FBLN5: variants seen among roughly 807,000 people sequenced by gnomAD.
The protein encoded by FBLN5 is fibulin-5.
In FBLN5, 24 loss-of-function variants were observed where a neutral mutation model predicts 61.6. The ratio of observed to expected loss-of-function variants is 0.39; its 90% CI spans 0.28 to 0.55. The LOEUF is 0.55. Among genes scored for constraint, FBLN5 ranks in the 20% least tolerant of loss-of-function variants. The probability of loss-of-function intolerance (pLI) is 0.65; values close to 1 mark genes in which losing one functional copy is unlikely to be tolerated. For synonymous variants in FBLN5, 213 were observed against 219.8 expected, an observed-to-expected ratio of 0.97 and a Z score of 0.27; for missense variants, 470 against 594.1, an observed-to-expected ratio of 0.79 and a Z score of 2.17.
intron 8 of FBLN5, among the ~76,000 whole-genome samples, chr14:91,881,890 A>T (rs1889493525): frequency 6.6e-6 from 1 of 152,116 alleles, no homozygotes; most frequent in African/African-American, 2.4e-5. Flanking sequence ...ATTAAAGAAA[A>T]CATAGTAGTA....
intron 5 of FBLN5, among the ~76,000 whole-genome samples, chr14:91,891,784 C>T (rs1006511625): frequency 2.0e-5 from 3 of 152,146 alleles, no homozygotes; most frequent in African/African-American, 7.2e-5. Flanking sequence ...ATAGAGGCTC[C>T]ACTGCCCAGG....
intron 4 of FBLN5, among the ~76,000 whole-genome samples, chr14:91,902,025 G>A (rs1313202494): frequency 6.6e-6 from 1 of 152,154 alleles, no homozygotes; most frequent in African/African-American, 2.4e-5. Context: ...GCAACTAATG[G>A]AGATCACATT....
rs192440936 is a variant in FBLN5 at position 91,901,005 on chromosome 14, C to A, written c.380-5933G>T. On this transcript the variant is annotated intron_variant, in intron 4 of 10. Transcript: ENST00000342058. ...TCCCCCTTGAGCCCCAGGCATATGGCGGGAGATCTGGACAAGAGGTAAGGA... is the reference window on the plus strand; with the variant it reads ...TCCCCCTTGAGCCCCAGGCATATGGAGGGAGATCTGGACAAGAGGTAAGGA... Among the ~76,000 whole-genome samples, 3 of 152,272 alleles carry A rather than the reference C, an allele frequency of 2.0e-5. No individual in the cohort carries two copies. In the East Asian group the frequency reaches 5.8e-4, roughly 29 times the overall value.
intron 6 of FBLN5, among the ~76,000 whole-genome samples, chr14:91,889,631 A>C (rs1889894222): frequency 6.6e-6 from 1 of 152,246 alleles, no homozygotes; most frequent in Non-Finnish European, 1.5e-5. Flanking sequence ...GGGTTCAGTG[A>C]GATGAACAGA....
chr14:91,881,155 G>T (rs539972949), intron 9 of FBLN5, 137 bp downstream of exon 9: 3 of 739,142 alleles, frequency 4.1e-6, no homozygotes, highest in Admixed American at 2.1e-5. Flanking sequence ...ACACACACAC[G>T]CATGAGCACA....
chr14:91,899,874 G>A (rs1890384585), intron 4 of FBLN5, among the ~76,000 whole-genome samples: 1 of 152,204 alleles, frequency 6.6e-6, no homozygotes. Flanking sequence ...ACCAGATGAA[G>A]AAACTGGCCT....
At chr14:91,946,799 G>A (rs890340510) in intron 1 of FBLN5, 2 of 1,535,664 alleles carry the variant, frequency 1.3e-6, no homozygotes, top group Non-Finnish European at 1.7e-6. Context: ...CAGCCCCGCG[G>A]TGTTCAGCTA....
At chr14:91,934,754 A>G (rs1247947393) in intron 4 of FBLN5, among the ~76,000 whole-genome samples, 6 of 152,032 alleles carry the variant, frequency 3.9e-5, no homozygotes, top group African/African-American at 7.3e-5. Flanking sequence ...TTTCTCAATG[A>G]TCCCCCCATC....
At chr14:91,909,361 C>T (rs1476250938) in intron 4 of FBLN5, among the ~76,000 whole-genome samples, 1 of 152,106 alleles carries the variant, frequency 6.6e-6, no homozygotes, top group Non-Finnish European at 1.5e-5. Flanking sequence ...AAGCACAGTG[C>T]CTAATACAGA....
intron 4 of FBLN5, among the ~76,000 whole-genome samples, chr14:91,902,273 G>GTT: frequency 2.3e-5 from 1 of 44,326 alleles, no homozygotes; most frequent in Non-Finnish European, 6.0e-5. Context: ...TTTTTTGTTT[G>GTT]TTTGTTTGTT....
intron 10 of FBLN5, among the ~76,000 whole-genome samples, chr14:91,876,666 C>T (rs759955407): frequency 5.3e-5 from 8 of 152,090 alleles, no homozygotes; most frequent in Non-Finnish European, 1.2e-4. Flanking sequence ...GAAGTGCTGG[C>T]GGCCCCCGGA....
At position 91,886,756 on chromosome 14, in the gene FBLN5, T is replaced by A. The variant is rs150762179; in HGVS notation, c.739+437A>T. On this transcript the variant is annotated intron_variant, in intron 7 of 10. Transcript: ENST00000342058. ...CAGAACATATGTGCTTCCATACATG[T>A]TCTCATTCATTCAATGTTCCCCCCA... Among the ~76,000 whole-genome samples, 474 of 152,282 alleles carry A rather than the reference T, an allele frequency of 3.1e-3. 2 individuals carry two copies. The highest frequency in any genetic ancestry group is 9.6e-3 in the African/African-American group (399 of 41,544).
intron 4 of FBLN5, among the ~76,000 whole-genome samples, chr14:91,930,434 A>G (rs968162789): frequency 1.3e-5 from 2 of 152,222 alleles, no homozygotes; most frequent in African/African-American, 2.4e-5. Flanking sequence ...GAGCGAACCC[A>G]GCTGCAGAAC....
At chr14:91,893,785 T>C (rs116675733) in intron 5 of FBLN5, among the ~76,000 whole-genome samples, 1,789 of 152,260 alleles carry the variant, frequency 0.012, 36 homozygotes, top group African/African-American at 0.04. Flanking sequence ...CAGTTCTCAA[T>C]TGGTGATGAC....
chr14:91,929,330 C>G (rs1270060780), intron 4 of FBLN5, among the ~76,000 whole-genome samples: 1 of 152,176 alleles, frequency 6.6e-6, no homozygotes, highest in East Asian at 1.9e-4. Context: ...AGTCCTGTGG[C>G]CTGTTGCCTA....
In FBLN5 at chr14:91,922,906, GT is replaced by G. The variant is rs1184112365; in HGVS notation, c.379+14040del. Among the ~76,000 whole-genome samples the G allele has an allele frequency of 4.6e-5, 7 of 152,190 alleles. No individual in the cohort carries two copies. The South Asian group carries it at 1.2e-3, about 27-fold the overall frequency. On this transcript the variant is annotated intron_variant, in intron 4 of 10. Coordinates refer to ENST00000342058, the MANE Select transcript of FBLN5 (RefSeq NM_006329.4). ...GGGTCTCGGCAGAGGGCTCATCCCTGTTTTAAGCCTAAAGGAGACTTTGACC... is the reference window on the plus strand; with the variant it reads ...GGGTCTCGGCAGAGGGCTCATCCCTGTTTAAGCCTAAAGGAGACTTTGACC...
intron 9 of FBLN5, among the ~76,000 whole-genome samples, chr14:91,880,532 T>C (rs1262976724): frequency 1.4e-4 from 18 of 124,146 alleles, no homozygotes; most frequent in African/African-American, 4.5e-4. Context: ...CGTGCGTGTG[T>C]GTGTGTGTGT....
intron 6 of FBLN5, among the ~76,000 whole-genome samples, chr14:91,888,197 G>T (rs902434287): frequency 1.8e-4 from 27 of 152,248 alleles, no homozygotes; most frequent in African/African-American, 6.3e-4. Context: ...TACCCGGGAG[G>T]CTGAGGAGGG....
intron 4 of FBLN5, among the ~76,000 whole-genome samples, chr14:91,914,335 G>A (rs867866177): frequency 1.1e-4 from 16 of 152,036 alleles, no homozygotes; most frequent in Middle Eastern, 6.9e-3. Context: ...AAATTTAGCC[G>A]AGCGTGGTGG....
Sources: allele counts gnomAD v4.1 joint callset (sites outside exome capture counted in the v4.1 genomes callset), GRCh38; gene constraint gnomAD v4.1.1; transcripts MANE v1.5; gene names NCBI Gene and HGNC (gene_info 2026-07-23, HGNC 2026-07-21).